MACROH2A2: variants seen among roughly 807,000 people sequenced by gnomAD.
MACROH2A2 encodes the protein macroH2A.2 histone.
MACROH2A2 carries 6 observed loss-of-function variants against 37.6 expected under a neutral mutation model. The observed-to-expected ratio is 0.16, with a 90% CI of 0.09 to 0.32. The LOEUF is 0.32. MACROH2A2 is among the 10% of genes least tolerant of loss of function. MACROH2A2 has a pLI of 1.00. For synonymous variants in MACROH2A2, 192 were observed against 202.7 expected, an observed-to-expected ratio of 0.95 and a Z score of 0.45; for missense variants, 290 against 485.9, an observed-to-expected ratio of 0.60 and a Z score of 3.79.
chr10:70,089,804 G>C (rs994743774), intron 2 of MACROH2A2, among the ~76,000 whole-genome samples: 2 of 151,654 alleles, frequency 1.3e-5, no homozygotes, highest in African/African-American at 4.8e-5. Context: ...TGTTGCCCAG[G>C]CTGGGGTGCA....
chr10:70,106,793 A>T lies in MACROH2A2; in HGVS notation c.779-2240A>T, dbSNP rs184555959. On this transcript the variant is annotated intron_variant, in intron 7 of 8. Coordinates refer to ENST00000373255, the MANE Select transcript of MACROH2A2 (RefSeq NM_018649.3). Reference sequence around the variant, plus strand: ...ACTCCAGCCTGGGCAACAGAGGGGCATCCTGTCTCAAAAAAAAAAAAAAAA... The same window carrying T: ...ACTCCAGCCTGGGCAACAGAGGGGCTTCCTGTCTCAAAAAAAAAAAAAAAA... Among the ~76,000 whole-genome samples the T allele has an allele frequency of 4.2e-3, 594 of 141,528 alleles. 2 individuals are homozygous for T. The highest frequency in any genetic ancestry group is 0.015 in the African/African-American group (565 of 36,958). 92.8% of individuals were successfully genotyped at this position (141,528 alleles called of 152,430 possible).
chr10:70,065,133 A>G (rs138551923), intron 1 of MACROH2A2, among the ~76,000 whole-genome samples: 6,298 of 150,462 alleles, frequency 0.042, 425 homozygotes, highest in East Asian at 0.24. Context: ...TGCAACCTCT[A>G]CCTCCCAGGT....
At position 70,090,592 on chromosome 10, in the gene MACROH2A2, A is replaced by G. The variant is rs74323572; in HGVS notation, c.279+426A>G. ...CGAATACCCCCTTTTCACCTACAGT[A>G]TATGTAAGGTGGTAGGTAAATAGTA... On this transcript the variant is annotated intron_variant, in intron 3 of 8. Coordinates refer to ENST00000373255, the MANE Select transcript of MACROH2A2 (RefSeq NM_018649.3). 6.0e-3 allele frequency among the ~76,000 whole-genome samples: 918 copies of G among 152,356 alleles called. 11 individuals carry two copies. Among genetic ancestry groups the G allele is most frequent in the African/African-American group, 0.021 (862 of 41,592 alleles).
At position 70,073,949 on chromosome 10, in the gene MACROH2A2, A is replaced by G. The variant is rs1005189539; in HGVS notation, c.-59-1651A>G. ...ATTTGTTCTGACTTTCTCATTTTTC[A>G]TCTCCAGAGGAAACGGCCCCTGAGA... is the stretch of plus-strand genomic sequence containing the variant. On this transcript the variant is annotated intron_variant, in intron 1 of 8. Coordinates refer to ENST00000373255, the MANE Select transcript of MACROH2A2 (RefSeq NM_018649.3). Among the ~76,000 whole-genome samples, 10 of 152,258 alleles carry G rather than the reference A, an allele frequency of 6.6e-5. No individual in the cohort carries two copies. In the South Asian group the frequency reaches 1.2e-3, roughly 19 times the overall value.
chr10:70,080,809 C>T (rs1205589784), intron 2 of MACROH2A2, among the ~76,000 whole-genome samples: 18 of 141,958 alleles, frequency 1.3e-4, no homozygotes, highest in Non-Finnish European at 2.4e-4. Flanking sequence ...CACTTTAACC[C>T]GGGAGGTGGA....
intron 7 of MACROH2A2, among the ~76,000 whole-genome samples, chr10:70,102,458 C>T (rs781413653): frequency 1.3e-5 from 2 of 152,120 alleles, no homozygotes; most frequent in Admixed American, 6.5e-5. Context: ...GTGGCTCATG[C>T]GTGTAATCCC....
intron 1 of MACROH2A2, among the ~76,000 whole-genome samples, chr10:70,064,847 A>G (rs2072070094): frequency 6.6e-6 from 1 of 151,730 alleles, no homozygotes; most frequent in Admixed American, 6.6e-5. Context: ...CAGTGTGAAA[A>G]TGAACTAATA....
intron 2 of MACROH2A2, among the ~76,000 whole-genome samples, chr10:70,081,330 G>A (rs2072175463): frequency 6.6e-6 from 1 of 151,992 alleles, no homozygotes; most frequent in Admixed American, 6.6e-5. Flanking sequence ...TAGGTGTGTC[G>A]GGAGCTCAGG....
intron 7 of MACROH2A2, among the ~76,000 whole-genome samples, chr10:70,108,138 G>A (rs1292457459): frequency 6.6e-6 from 1 of 152,096 alleles, no homozygotes; most frequent in African/African-American, 2.4e-5. Context: ...AACCCAGGAG[G>A]TGGAGGTTGC....
chr10:70,080,029 C>T (rs2072165925), intron 2 of MACROH2A2, among the ~76,000 whole-genome samples: 1 of 152,124 alleles, frequency 6.6e-6, no homozygotes, highest in African/African-American at 2.4e-5. Flanking sequence ...CCTGTAATCC[C>T]AACACTTTGG....
chr10:70,071,394 A>G, intron 1 of MACROH2A2, among the ~76,000 whole-genome samples: 1 of 152,148 alleles, frequency 6.6e-6, no homozygotes. Context: ...TAAAGAGCCT[A>G]AGCTTCTCTA....
chr10:70,082,028 C>A (rs2072180125), intron 2 of MACROH2A2, among the ~76,000 whole-genome samples: 1 of 152,198 alleles, frequency 6.6e-6, no homozygotes, highest in Non-Finnish European at 1.5e-5. Context: ...CGTGCAGCCA[C>A]TGTGGATAAC....
chr10:70,109,938 C>A (rs1486682960), intron 8 of MACROH2A2, among the ~76,000 whole-genome samples: 1 of 152,288 alleles, frequency 6.6e-6, no homozygotes, highest in South Asian at 2.1e-4. Flanking sequence ...ATTTTGAACA[C>A]CCTCTCACCT....
At chr10:70,067,205 C>T (rs765876366) in intron 1 of MACROH2A2, among the ~76,000 whole-genome samples, 5 of 152,012 alleles carry the variant, frequency 3.3e-5, no homozygotes, top group Non-Finnish European at 7.4e-5. Flanking sequence ...ATGTATTTCC[C>T]CTAAGCACAG....
At chr10:70,082,090 C>T (rs2072180448) in intron 2 of MACROH2A2, among the ~76,000 whole-genome samples, 1 of 152,210 alleles carries the variant, frequency 6.6e-6, no homozygotes, top group Non-Finnish European at 1.5e-5. Flanking sequence ...TACAACCAAG[C>T]AATTCCACTC....
At chr10:70,069,500 G>A (rs370595125) in intron 1 of MACROH2A2, among the ~76,000 whole-genome samples, 8 of 152,156 alleles carry the variant, frequency 5.3e-5, no homozygotes, top group African/African-American at 1.9e-4. Context: ...TATAGCCCAC[G>A]TGCATCTGGG....
At chr10:70,091,682 A>G in intron 3 of MACROH2A2, 75 bp from the exon 4 acceptor site, 2 of 1,085,256 alleles carry the variant, frequency 1.8e-6, no homozygotes, top group Non-Finnish European at 2.7e-6. Flanking sequence ...TCAAAAAAAA[A>G]AAAAAAAAAG....
At chr10:70,105,511 G>A (rs1409318337) in intron 7 of MACROH2A2, among the ~76,000 whole-genome samples, 1 of 152,212 alleles carries the variant, frequency 6.6e-6, no homozygotes, top group East Asian at 1.9e-4. Context: ...GGACGACTGG[G>A]CATCCAGAAA....
In MACROH2A2 at chr10:70,090,068, C is replaced by G; in HGVS notation, c.181C>G (p.Leu61Val). 6.2e-7 allele frequency: 1 copy of G among 1,611,680 alleles called. No individual in the cohort carries two copies. The highest frequency in any genetic ancestry group is 8.5e-7 in the Non-Finnish European group (1 of 1,177,750). ...AVIEYLAAEI[L>V]ELAGNAARDN... ...CCTCCTTGTGATTTCAGCGGAAATT[C>G]TAGAATTGGCCGGCAATGCCGCGAG... The change falls in exon 3 of 9, where the codon CTA becomes GTA. Residue 61 changes from leucine (L) to valine (V), a missense_variant. Leu to Val is a conservative substitution (Grantham distance 32). Transcript: ENST00000373255.
Sources: gnomAD v4.1 joint callset for allele counts (sites outside exome capture counted in the v4.1 genomes callset) on GRCh38, gnomAD v4.1.1 for gene constraint, MANE v1.5 for transcripts, NCBI Gene and HGNC (gene_info 2026-07-23, HGNC 2026-07-21) for gene names.